Variants in NEK1 observed in about 807,000 individuals in gnomAD.
NEK1 encodes the protein NIMA related kinase 1.
NEK1 carries 137 observed loss-of-function variants against 182.1 expected under a neutral mutation model. The observed-to-expected ratio is 0.75, with a 90% CI of 0.65 to 0.87. The LOEUF (loss-of-function observed/expected upper bound fraction) is 0.87. NEK1 is among the 40% of genes least tolerant of loss of function. NEK1 has a pLI of 0.00. For missense variants in NEK1, 1,391 were observed against 1,494.4 expected (o/e 0.93, Z 1.14); for synonymous variants, 513 against 492.2 (o/e 1.04, Z -0.56).
At chr4:169,600,033 A>T (rs1398677128) in intron 4 of NEK1, among the ~76,000 whole-genome samples, 1 of 152,014 alleles carries the variant, frequency 6.6e-6, no homozygotes, top group Non-Finnish European at 1.5e-5. Context: ...GCTTAGAAGA[A>T]CACTTTGATG....
At chr4:169,408,259 C>G (rs1732980311) in intron 31 of NEK1, among the ~76,000 whole-genome samples, 1 of 152,130 alleles carries the variant, frequency 6.6e-6, no homozygotes, top group Non-Finnish European at 1.5e-5. Flanking sequence ...AAATAAATTT[C>G]AAGTGGTCAT....
intron 26 of NEK1, among the ~76,000 whole-genome samples, chr4:169,470,941 A>G (rs567627524): frequency 2.0e-5 from 3 of 152,126 alleles, no homozygotes; most frequent in Non-Finnish European, 4.4e-5. Context: ...TATGCTTCAC[A>G]AAGTTCTCTT....
At chr4:169,497,032 C>T (rs554080841) in intron 23 of NEK1, among the ~76,000 whole-genome samples, 1 of 152,272 alleles carries the variant, frequency 6.6e-6, no homozygotes, top group Admixed American at 6.5e-5. Flanking sequence ...TCCATCTGGT[C>T]CTGGATTTCT....
At chr4:169,436,024 C>A (rs1738347643) in intron 28 of NEK1, among the ~76,000 whole-genome samples, 1 of 152,200 alleles carries the variant, frequency 6.6e-6, no homozygotes, top group African/African-American at 2.4e-5. Flanking sequence ...CCACCTCAGC[C>A]TCCCTAGCAG....
intron 32 of NEK1, among the ~76,000 whole-genome samples, chr4:169,403,850 A>C (rs1357037461): frequency 6.6e-6 from 1 of 151,894 alleles, no homozygotes; most frequent in African/African-American, 2.4e-5. Flanking sequence ...CTATCTTATA[A>C]AATCTTGACT....
chr4:169,561,439 G>A, intron 16 of NEK1, 41 bp downstream of exon 16: 4 of 1,541,628 alleles, frequency 2.6e-6, no homozygotes, highest in African/African-American at 1.4e-5. Flanking sequence ...GGAACTGGAG[G>A]GGAAAATGGT....
chr4:169,586,449 A>C (rs943461722), intron 9 of NEK1, among the ~76,000 whole-genome samples: 3 of 152,052 alleles, frequency 2.0e-5, no homozygotes, highest in Admixed American at 6.5e-5. Context: ...ACTTTCGTTT[A>C]TCTCTCAATT....
At chr4:169,466,756 A>G (rs1017259711) in intron 26 of NEK1, among the ~76,000 whole-genome samples, 2 of 152,146 alleles carry the variant, frequency 1.3e-5, no homozygotes, top group African/African-American at 4.8e-5. Flanking sequence ...TCTTCTACAC[A>G]AAAGAAATGA....
intron 24 of NEK1, 80 bp from the exon 25 acceptor site, chr4:169,477,577 C>A (rs2149550609): frequency 7.4e-6 from 8 of 1,087,858 alleles, no homozygotes; most frequent in Non-Finnish European, 1.0e-5. Flanking sequence ...ATCCTCGTTA[C>A]TTTTTGGTTT....
At chr4:169,525,295 A>AT in intron 19 of NEK1, among the ~76,000 whole-genome samples, 1 of 151,818 alleles carries the variant, frequency 6.6e-6, no homozygotes, top group Non-Finnish European at 1.5e-5. Flanking sequence ...TGCCCAGCTA[A>AT]TTTTTTTATT....
chr4:169,463,187 A>C (rs1744285711), intron 27 of NEK1, 56 bp downstream of exon 27: 1 of 964,182 alleles, frequency 1.0e-6, no homozygotes, highest in Admixed American at 3.1e-5. Flanking sequence ...AAAATACATA[A>C]TTAGATTTTT....
chr4:169,480,275 A>C (rs12650025), intron 23 of NEK1, among the ~76,000 whole-genome samples: 1 of 151,766 alleles, frequency 6.6e-6, no homozygotes, highest in Non-Finnish European at 1.5e-5. Flanking sequence ...TACAATCTTA[A>C]TATTTAGGCT....
intron 26 of NEK1, among the ~76,000 whole-genome samples, chr4:169,471,477 G>T (rs1312103404): frequency 2.6e-5 from 4 of 152,178 alleles, no homozygotes; most frequent in African/African-American, 7.2e-5. Context: ...AAATATTGCT[G>T]CCTGATCCTT....
At chr4:169,589,418 A>C (rs1768056948) in intron 7 of NEK1, 29 bp downstream of exon 7, 1 of 1,291,346 alleles carries the variant, frequency 7.7e-7, no homozygotes, top group Non-Finnish European at 1.1e-6. Context: ...AAAACATTAT[A>C]TCAAAACAAA....
chr4:169,456,155 A>T (rs1421554115), intron 27 of NEK1, among the ~76,000 whole-genome samples: 5 of 152,166 alleles, frequency 3.3e-5, no homozygotes, highest in Non-Finnish European at 7.4e-5. Context: ...ATTGAAAAAA[A>T]TTTTGAAACA....
In NEK1 at chr4:169,508,823, A is replaced by C. The variant is rs1268666414; in HGVS notation, c.1695T>G (p.Tyr565Ter). 6.3e-7 allele frequency: 1 copy of C among 1,592,426 alleles called. No individual in the cohort carries two copies. Among genetic ancestry groups the C allele is most frequent in the Admixed American group, 1.7e-5 (1 of 59,290 alleles). Reference sequence around the variant, plus strand: ...CTCTTGAAGAGCTGGGCCTGCCTCCATACATAGCTGCCAGGTTTTGCAGGA... The same window carrying C: ...CTCTTGAAGAGCTGGGCCTGCCTCCCTACATAGCTGCCAGGTTTTGCAGGA... ...MGILQNLAAM[Y>*]GGRPSSSRGG... The change falls in exon 20 of 36, where the codon TAT becomes TAG. Residue 565 changes from tyrosine to a stop codon, truncating the protein, a stop_gained. Coordinates refer to ENST00000507142, the MANE Select transcript of NEK1 (RefSeq NM_001199397.3). LOFTEE classifies it high-confidence loss of function.
In NEK1 at chr4:169,480,928, T is replaced by G. The variant is rs183138115; in HGVS notation, c.2008-1394A>C. Among the ~76,000 whole-genome samples the G allele has an allele frequency of 4.0e-4, 61 of 152,298 alleles. No individual in the cohort carries two copies. The East Asian group carries it at 0.011, about 28-fold the overall frequency. On this transcript the variant is annotated intron_variant, in intron 23 of 35. Coordinates refer to ENST00000507142, the MANE Select transcript of NEK1 (RefSeq NM_001199397.3). Reference sequence around the variant, plus strand: ...TGATGCTGTTGCATTTTACCCACAGTAGAACTTCTTTCAAAACTGGAGTCA... The same window carrying G: ...TGATGCTGTTGCATTTTACCCACAGGAGAACTTCTTTCAAAACTGGAGTCA...
chr4:169,492,286 G>C (rs895679743), intron 23 of NEK1, among the ~76,000 whole-genome samples: 14 of 152,148 alleles, frequency 9.2e-5, no homozygotes, highest in African/African-American at 2.9e-4. Flanking sequence ...CAAAATTACT[G>C]GTAAATCATC....
intron 5 of NEK1, among the ~76,000 whole-genome samples, chr4:169,597,313 C>T (rs1325360483): frequency 6.6e-6 from 1 of 152,070 alleles, no homozygotes; most frequent in Non-Finnish European, 1.5e-5. Flanking sequence ...GAACTCAAAC[C>T]CATGTCTGTG....
Sources: allele counts gnomAD v4.1 joint callset (sites outside exome capture counted in the v4.1 genomes callset), GRCh38; gene constraint gnomAD v4.1.1; transcripts MANE v1.5; gene names NCBI Gene and HGNC (gene_info 2026-07-23, HGNC 2026-07-21).